The following SDK1 variants were observed in gnomAD, a reference collection of about 807,000 sequenced individuals.
SDK1 encodes the protein protein sidekick-1.
SDK1 carries 157 observed loss-of-function variants against 245.5 expected under a neutral mutation model. The observed-to-expected ratio is 0.64, with a 90% CI of 0.56 to 0.73. The LOEUF (loss-of-function observed/expected upper bound fraction) is 0.73, where lower values mean the gene tolerates loss of function less well. Ranked by LOEUF, SDK1 falls within the 30% of genes least tolerant of loss-of-function variation. The probability of loss-of-function intolerance (pLI) is 0.00; values close to 1 mark genes in which losing one functional copy is unlikely to be tolerated. For missense variants in SDK1, 3,583 were observed against 3,002.3 expected (o/e 1.19, Z -4.52); for synonymous variants, 1,647 against 1,278.5 (o/e 1.29, Z -6.15).
chr7:3,974,858 A>T (rs574986649), intron 13 of SDK1: 2 of 222,518 alleles, frequency 9.0e-6, no homozygotes, highest in East Asian at 2.3e-4. Flanking sequence ...CTCTGCGCTT[A>T]AGTAGCAAGT....
chr7:3,895,161 A>G (rs1359051300), intron 5 of SDK1, among the ~76,000 whole-genome samples: 1 of 152,228 alleles, frequency 6.6e-6, no homozygotes, highest in Non-Finnish European at 1.5e-5. Flanking sequence ...CAAGAAAGAA[A>G]TCATAAGTAG....
At chr7:3,572,598 G>T (rs1473677576) in intron 1 of SDK1, among the ~76,000 whole-genome samples, 2 of 151,978 alleles carry the variant, frequency 1.3e-5, no homozygotes, top group African/African-American at 4.8e-5. Context: ...ATGCATGGTG[G>T]CTTCTATTAT....
chr7:3,375,575 A>G (rs1350783286), intron 1 of SDK1, among the ~76,000 whole-genome samples: 1 of 152,120 alleles, frequency 6.6e-6, no homozygotes, highest in Non-Finnish European at 1.5e-5. Flanking sequence ...AGACATTGTA[A>G]CCTCTGTCTT....
chr7:3,773,027 A>C (rs2115002009), intron 4 of SDK1, among the ~76,000 whole-genome samples: 1 of 152,314 alleles, frequency 6.6e-6, no homozygotes, highest in African/African-American at 2.4e-5. Flanking sequence ...TGGATATCTT[A>C]AAGTTCTTCC....
chr7:3,714,389 C>G (rs1313219116), intron 4 of SDK1, among the ~76,000 whole-genome samples: 2 of 152,080 alleles, frequency 1.3e-5, no homozygotes, highest in Non-Finnish European at 2.9e-5. Context: ...ATGTTATTAT[C>G]TTTTTTACTC....
intron 29 of SDK1, among the ~76,000 whole-genome samples, chr7:4,148,589 A>G (rs1403019894): frequency 1.3e-5 from 2 of 152,212 alleles, no homozygotes; most frequent in East Asian, 3.9e-4. Flanking sequence ...ACTGAGCACA[A>G]CATCAGAAAA....
At position 4,006,958 on chromosome 7, in the gene SDK1, C is replaced by T. The variant is rs139245974; in HGVS notation, c.2132-4008C>T. Reference sequence around the variant, plus strand: ...GTCTCCAGGCTTGCTCTGCCTCTCCCGCAGTCTGATTAATCGCCTCAGTCA... The same window carrying T: ...GTCTCCAGGCTTGCTCTGCCTCTCCTGCAGTCTGATTAATCGCCTCAGTCA... On this transcript the variant is annotated intron_variant, in intron 14 of 44. Transcript: ENST00000404826. Among the ~76,000 whole-genome samples the T allele has an allele frequency of 2.1e-4, 32 of 152,366 alleles. No homozygotes were observed. The East Asian group carries it at 5.4e-3, about 26-fold the overall frequency.
At chr7:4,185,136 C>G (rs74807137) in intron 35 of SDK1, among the ~76,000 whole-genome samples, 432 of 152,336 alleles carry the variant, frequency 2.8e-3, no homozygotes, top group African/African-American at 0.01. Context: ...TAGAGGAGAT[C>G]CAGTGCGACA....
At chr7:4,090,330 T>C (rs4526264) in intron 22 of SDK1, among the ~76,000 whole-genome samples, 44,237 of 152,150 alleles carry the variant, frequency 0.29, 7,982 homozygotes, top group African/African-American at 0.51. Context: ...ATTAGGGCAA[T>C]GAGGGCACCA....
At chr7:3,542,221 G>C (rs1375595301) in intron 1 of SDK1, among the ~76,000 whole-genome samples, 4 of 152,142 alleles carry the variant, frequency 2.6e-5, no homozygotes, top group Non-Finnish European at 5.9e-5. Context: ...GATACACATA[G>C]CTTAGATGTG....
chr7:3,375,265 T>C (rs530203526), intron 1 of SDK1, among the ~76,000 whole-genome samples: 10 of 152,208 alleles, frequency 6.6e-5, no homozygotes, highest in Admixed American at 2.6e-4. Context: ...CACAAACTTA[T>C]GCTAAAGCTG....
At chr7:3,483,855 G>A (rs2128602947) in intron 1 of SDK1, among the ~76,000 whole-genome samples, 1 of 152,130 alleles carries the variant, frequency 6.6e-6, no homozygotes, top group South Asian at 2.1e-4. Context: ...TCATTAAAAT[G>A]TTTATATATA....
intron 1 of SDK1, among the ~76,000 whole-genome samples, chr7:3,494,964 G>C (rs369463006): frequency 1.2e-3 from 180 of 152,282 alleles, no homozygotes; most frequent in South Asian, 5.2e-3. Context: ...TATTTCTTAT[G>C]GGTTAACAGT....
chr7:4,122,924 C>T (rs536096047), intron 25 of SDK1, among the ~76,000 whole-genome samples: 3 of 152,226 alleles, frequency 2.0e-5, no homozygotes, highest in African/African-American at 7.2e-5. Flanking sequence ...AAATTTCCAT[C>T]CTGAACTCTG....
chr7:3,746,933 A>G (rs1779641753), intron 4 of SDK1, among the ~76,000 whole-genome samples: 1 of 152,148 alleles, frequency 6.6e-6, no homozygotes, highest in Admixed American at 6.5e-5. Context: ...AAGGTTTTTG[A>G]TTGACTTTTC....
chr7:3,357,339 T>TTTTTTTTTTTTTTTTTTG (rs1780829815), intron 1 of SDK1, among the ~76,000 whole-genome samples: 1 of 18,500 alleles, frequency 5.4e-5, no homozygotes, highest in Admixed American at 5.6e-4. Context: ...TTTTTTTTTT[T>TTTTTTTTTTTTTTTTTTG]TTTTTTTTTT....
chr7:3,591,704 G>A (rs1432614660), intron 1 of SDK1, among the ~76,000 whole-genome samples: 4 of 152,220 alleles, frequency 2.6e-5, no homozygotes, highest in Non-Finnish European at 5.9e-5. Flanking sequence ...GAAGCTATTT[G>A]TATTCTTTGC....
chr7:3,353,780 A>C (rs943637791), intron 1 of SDK1, among the ~76,000 whole-genome samples: 1 of 151,654 alleles, frequency 6.6e-6, no homozygotes, highest in African/African-American at 2.4e-5. Context: ...AAGGAACATT[A>C]ACTGTAGATT....
At chr7:3,844,177 G>T (rs1780222786) in intron 5 of SDK1, among the ~76,000 whole-genome samples, 1 of 152,054 alleles carries the variant, frequency 6.6e-6, no homozygotes, top group South Asian at 2.1e-4. Flanking sequence ...CACCACGTTG[G>T]CCAGACTGGT....
Sources: gnomAD v4.1 joint callset for allele counts (sites outside exome capture counted in the v4.1 genomes callset) on GRCh38, gnomAD v4.1.1 for gene constraint, MANE v1.5 for transcripts, NCBI Gene and HGNC (gene_info 2026-07-23, HGNC 2026-07-21) for gene names.